Variants in TUSC3 observed in about 807,000 individuals in gnomAD.
TUSC3 encodes the protein dolichyl-diphosphooligosaccharide--protein glycosyltransferase subunit TUSC3.
Under a neutral mutation model 44.8 loss-of-function variants are expected in TUSC3, and 45 were observed. That is an observed-to-expected ratio of 1.00 (90% CI 0.79 to 1.29). TUSC3 has a LOEUF of 1.29. TUSC3 is among the 50% of genes most tolerant of loss of function. The pLI is 0.00. For synonymous variants in TUSC3, 212 were observed against 152.9 expected (o/e 1.39, Z -2.85); for missense variants, 519 against 437.9 (o/e 1.19, Z -1.65).
At chr8:15,571,680 C>T (rs1349116996) in intron 1 of TUSC3, among the ~76,000 whole-genome samples, 1 of 152,080 alleles carries the variant, frequency 6.6e-6, no homozygotes, top group Non-Finnish European at 1.5e-5. Context: ...ATGAAAGATT[C>T]CTCTGTTGCA....
At chr8:15,543,739 G>GT (rs1491283459) in intron 1 of TUSC3, among the ~76,000 whole-genome samples, 219 of 146,732 alleles carry the variant, frequency 1.5e-3, no homozygotes, top group Non-Finnish European at 2.4e-3. Context: ...TTTTTGAATT[G>GT]GTTTTTTTTT....
At chr8:15,463,966 A>G (rs78067952) in intron 1 of TUSC3, among the ~76,000 whole-genome samples, 4,231 of 152,278 alleles carry the variant, frequency 0.028, 189 homozygotes, top group African/African-American at 0.096. Context: ...CCTTGACTAC[A>G]GTTTTACAGA....
chr8:15,579,474 A>G (rs1430781404), intron 1 of TUSC3, among the ~76,000 whole-genome samples: 2 of 39,646 alleles, frequency 5.0e-5, no homozygotes, highest in East Asian at 9.3e-4. Flanking sequence ...ATTTCCCTCT[A>G]CACACTGCTT....
At chr8:15,659,752 T>A in intron 4 of TUSC3, 105 bp downstream of exon 4, 2 of 1,462,750 alleles carry the variant, frequency 1.4e-6, no homozygotes, top group African/African-American at 1.4e-5. Flanking sequence ...CTATGGTTGT[T>A]TCTCCTTGCA....
At chr8:15,471,802 G>C (rs953834250) in intron 1 of TUSC3, among the ~76,000 whole-genome samples, 1 of 151,978 alleles carries the variant, frequency 6.6e-6, no homozygotes, top group African/African-American at 2.4e-5. Flanking sequence ...ATTTTAAGTA[G>C]AGACAGGGTT....
chr8:15,629,502 A>C (rs553091373), intron 2 of TUSC3, among the ~76,000 whole-genome samples: 1 of 151,182 alleles, frequency 6.6e-6, no homozygotes, highest in East Asian at 2.0e-4. Flanking sequence ...GAAGCATCAG[A>C]GGGAGTTGTA....
chr8:15,602,901 A>C (rs1300138026), intron 1 of TUSC3, among the ~76,000 whole-genome samples: 1 of 151,652 alleles, frequency 6.6e-6, no homozygotes, highest in Non-Finnish European at 1.5e-5. Context: ...ACATAAATAA[A>C]AAATAAAAAC....
chr8:15,740,457 GA>G (rs1040377926), intron 7 of TUSC3, among the ~76,000 whole-genome samples: 22 of 148,844 alleles, frequency 1.5e-4, no homozygotes, highest in South Asian at 2.2e-4. Context: ...TTCGTATCTG[GA>G]AAAAAAAATG....
intron 1 of TUSC3, among the ~76,000 whole-genome samples, chr8:15,592,115 G>T (rs561430004): frequency 6.6e-6 from 1 of 152,062 alleles, no homozygotes; most frequent in Non-Finnish European, 1.5e-5. Flanking sequence ...GAGGAAGGAA[G>T]GTAATGGCAG....
intron 7 of TUSC3, among the ~76,000 whole-genome samples, chr8:15,741,244 T>C (rs1281063080): frequency 6.6e-6 from 1 of 152,220 alleles, no homozygotes; most frequent in Non-Finnish European, 1.5e-5. Flanking sequence ...TCATACATTT[T>C]ATTTTGTAGG....
chr8:15,685,827 G>C (rs1031171042), intron 6 of TUSC3, among the ~76,000 whole-genome samples: 2 of 151,016 alleles, frequency 1.3e-5, no homozygotes, highest in South Asian at 2.1e-4. Flanking sequence ...AAAGACAGGA[G>C]TATTTTGTTG....
intron 9 of TUSC3, among the ~76,000 whole-genome samples, chr8:15,753,804 A>G (rs1174141760): frequency 6.6e-6 from 1 of 152,082 alleles, no homozygotes; most frequent in Non-Finnish European, 1.5e-5. Context: ...CAAATTACAA[A>G]AACCTGACAG....
intron 1 of TUSC3, among the ~76,000 whole-genome samples, chr8:15,468,425 A>G (rs1295476634): frequency 2.0e-5 from 3 of 152,196 alleles, no homozygotes; most frequent in Admixed American, 6.5e-5. Context: ...CAACATAGCC[A>G]TGAGCCTCTC....
intron 1 of TUSC3, among the ~76,000 whole-genome samples, chr8:15,454,103 A>G (rs924592388): frequency 1.3e-4 from 20 of 152,288 alleles, no homozygotes; most frequent in African/African-American, 4.6e-4. Flanking sequence ...CTGGCAGGCC[A>G]CTGCACATGT....
At chr8:15,571,846 G>C (rs186628001) in intron 1 of TUSC3, among the ~76,000 whole-genome samples, 1 of 152,256 alleles carries the variant, frequency 6.6e-6, no homozygotes, top group East Asian at 1.9e-4. Flanking sequence ...GCTGTGAGCT[G>C]TAATATATTG....
chr8:15,814,477 G>T, the TUSC3 span, among the ~76,000 whole-genome samples: 1 of 152,138 alleles, frequency 6.6e-6, no homozygotes, highest in Non-Finnish European at 1.5e-5. Flanking sequence ...AACGCAATGC[G>T]TTGCCAATAT....
At position 15,470,775 on chromosome 8, in the gene TUSC3, C is replaced by G. The variant is rs11998616; in HGVS notation, n.92-12611C>G. On this transcript the variant is annotated intron_variant and non_coding_transcript_variant, in intron 1 of 5. Coordinates refer to the TUSC3 transcript ENST00000503191. The stretch of plus-strand genomic sequence containing the variant: ...TCTAGGTGGATTTTCTCCAGTTCCT[C>G]TGGTTTTCTGTCATGTCCCAAAGAT... Among the ~76,000 whole-genome samples the G allele has an allele frequency of 1.1e-3, 174 of 152,224 alleles. 2 individuals carry two copies. Among genetic ancestry groups the G allele is most frequent in the African/African-American group, 4.0e-3 (165 of 41,550 alleles).
At chr8:15,618,370 A>G (rs1223953661) in intron 1 of TUSC3, among the ~76,000 whole-genome samples, 1 of 152,226 alleles carries the variant, frequency 6.6e-6, no homozygotes, top group Non-Finnish European at 1.5e-5. Context: ...CAGCTGTACA[A>G]AAATATTTTC....
intron 2 of TUSC3, among the ~76,000 whole-genome samples, chr8:15,498,554 TG>T (rs1800913157): frequency 6.6e-6 from 1 of 152,212 alleles, no homozygotes; most frequent in Non-Finnish European, 1.5e-5. Flanking sequence ...TCGCTCTACA[TG>T]GTTTTGTCTA....
Sources: allele counts gnomAD v4.1 joint callset (sites outside exome capture counted in the v4.1 genomes callset), GRCh38; gene constraint gnomAD v4.1.1; transcripts MANE v1.5; gene names NCBI Gene and HGNC (gene_info 2026-07-23, HGNC 2026-07-21).